Variants in ZCCHC2 observed in about 807,000 individuals in gnomAD.
ZCCHC2 encodes the protein zinc finger CCHC domain-containing protein 2.
In ZCCHC2, 39 loss-of-function variants were observed where a neutral mutation model predicts 103.6. That is an observed-to-expected ratio of 0.38 (90% CI 0.29 to 0.49). ZCCHC2 has a LOEUF of 0.49. Ranked by LOEUF, ZCCHC2 falls within the 20% of genes least tolerant of loss-of-function variation. The probability of loss-of-function intolerance (pLI) is 0.96; values close to 1 mark genes in which losing one functional copy is unlikely to be tolerated. For synonymous variants in ZCCHC2, 687 were observed against 608.9 expected (o/e 1.13, Z -1.89); for missense variants, 1,483 against 1,491.0 (o/e 0.99, Z 0.09).
intron 3 of ZCCHC2, among the ~76,000 whole-genome samples, chr18:62,543,820 C>G (rs1182514991): frequency 6.6e-6 from 1 of 152,214 alleles, no homozygotes; most frequent in Non-Finnish European, 1.5e-5. Context: ...CCTGTGAACT[C>G]AGTCAGCGGA....
At chr18:62,559,790 A>G (rs1288819862) in intron 7 of ZCCHC2, among the ~76,000 whole-genome samples, 4 of 152,256 alleles carry the variant, frequency 2.6e-5, no homozygotes, top group Admixed American at 6.5e-5. Flanking sequence ...AAGGATATTT[A>G]TAGTACAATT....
At chr18:62,546,877 A>G (rs1047458940) in intron 4 of ZCCHC2, among the ~76,000 whole-genome samples, 1 of 152,216 alleles carries the variant, frequency 6.6e-6, no homozygotes, top group Non-Finnish European at 1.5e-5. Flanking sequence ...CAGTATTTGG[A>G]TATAATGTTT....
At chr18:62,557,797 T>C (rs1915958945) in intron 6 of ZCCHC2, among the ~76,000 whole-genome samples, 1 of 152,238 alleles carries the variant, frequency 6.6e-6, no homozygotes, top group African/African-American at 2.4e-5. Flanking sequence ...GGAGTTCATA[T>C]ATAAGTAATA....
At chr18:62,535,565 C>T (rs531436384) in intron 1 of ZCCHC2, among the ~76,000 whole-genome samples, 1 of 152,176 alleles carries the variant, frequency 6.6e-6, no homozygotes, top group African/African-American at 2.4e-5. Context: ...AGATGGCATC[C>T]CTAGACCCCT....
Position 62,575,214 on chromosome 18 carries a change from G to C in ZCCHC2, c.3133G>C (p.Val1045Leu). 6.2e-7 allele frequency: 1 copy of C among 1,613,994 alleles called. No homozygotes were observed. Among genetic ancestry groups the C allele is most frequent in the South Asian group, 1.1e-5 (1 of 91,078 alleles). Residue 1045 changes from valine (V) to leucine (L), a missense_variant, in exon 13 of 14, where the codon GTC becomes CTC. Val to Leu is a conservative substitution (Grantham distance 32). Around this residue, in one of 3 missense-constraint regions of ZCCHC2, gnomAD observed 884 missense variants for 907.5 expected, o/e 0.97. Transcript: ENST00000269499. ...TCCAATGCCTGGACCAATGTACCGA[G>C]TCCCTTCATTCTTTACTCTGCCATC... ...PNPMPGPMYR[V>L]PSFFTLPSIC...
intron 2 of ZCCHC2, among the ~76,000 whole-genome samples, chr18:62,540,435 CTTTT>C (rs555817088): frequency 7.1e-6 from 1 of 141,432 alleles, no homozygotes. Context: ...ATTATGTCTC[CTTTT>C]TTTTTTTTTT....
At chr18:62,557,758 A>C (rs1181817688) in intron 6 of ZCCHC2, among the ~76,000 whole-genome samples, 3 of 152,262 alleles carry the variant, frequency 2.0e-5, no homozygotes, top group Non-Finnish European at 2.9e-5. Flanking sequence ...TCAGATGAAC[A>C]GGCTGCTCAG....
chr18:62,544,756 C>T lies in ZCCHC2; in HGVS notation c.1129-46C>T. On this transcript the variant is annotated intron_variant, in intron 3 of 13. Coordinates refer to ENST00000269499, the MANE Select transcript of ZCCHC2 (RefSeq NM_017742.6). ...CACATGGCTTTTTTCTAGCCGGTTC[C>T]TGCCTAGGGAATAACCATATAATAT... is the stretch of plus-strand genomic sequence containing the variant. 2.7e-6 allele frequency: 4 copies of T among 1,483,594 alleles called. No individual in the cohort carries two copies. In the South Asian group the frequency reaches 4.0e-5, roughly 15 times the overall value. The allele number at this position is 1,483,594 out of a possible 1,614,324, so 91.9% of individuals were successfully genotyped here. A position where few individuals can be genotyped will look rare whatever the true frequency, so the allele number is the denominator to read the frequency against.
At chr18:62,575,674 T>A in intron 13 of ZCCHC2, 124 bp downstream of exon 13, 8 of 1,193,526 alleles carry the variant, frequency 6.7e-6, no homozygotes, top group Non-Finnish European at 8.1e-6. Context: ...ATGGATATTG[T>A]TTTCAGTGAC....
exon 15 of ZCCHC2, chr18:62,584,984 T>C (rs8087221): frequency 0.92 from 140,512 of 152,356 alleles, 64,971 homozygotes; most frequent in East Asian, 1. Flanking sequence ...AACCCACAGG[T>C]GGAATGGCCG....
intron 4 of ZCCHC2, among the ~76,000 whole-genome samples, chr18:62,546,217 T>C (rs976623386): frequency 2.6e-5 from 4 of 152,186 alleles, no homozygotes; most frequent in Non-Finnish European, 5.9e-5. Context: ...TTCTGTCTGC[T>C]GTGCTCAGTC....
At chr18:62,539,495 AAT>A (rs1201688572) in intron 1 of ZCCHC2, 184 bp from the exon 2 acceptor site, 1 of 501,272 alleles carries the variant, frequency 2.0e-6, no homozygotes, top group Non-Finnish European at 3.6e-6. Flanking sequence ...GTCAATAATT[AAT>A]AGAGTGCTCA....
chr18:62,579,262 A>G (rs912989959), downstream of ZCCHC2, among the ~76,000 whole-genome samples: 4 of 152,294 alleles, frequency 2.6e-5, no homozygotes, highest in South Asian at 4.1e-4. Context: ...TACTTTATCA[A>G]CTTTGTTAGT....
At chr18:62,536,617 C>T (rs1319202726) in intron 1 of ZCCHC2, among the ~76,000 whole-genome samples, 1 of 152,190 alleles carries the variant, frequency 6.6e-6, no homozygotes, top group African/African-American at 2.4e-5. Context: ...CGAGCAGCCA[C>T]CCACCATTGG....
At chr18:62,565,182 G>T in intron 11 of ZCCHC2, 86 bp downstream of exon 11, 4 of 995,650 alleles carry the variant, frequency 4.0e-6, no homozygotes, top group East Asian at 2.5e-5. Flanking sequence ...CTGAGCTGTT[G>T]TGTCAAATCC....
At chr18:62,547,427 A>C (rs908958218) in intron 4 of ZCCHC2, among the ~76,000 whole-genome samples, 3 of 151,722 alleles carry the variant, frequency 2.0e-5, no homozygotes, top group Non-Finnish European at 2.9e-5. Context: ...CTGTACTTCT[A>C]GCTTGCTGTA....
At chr18:62,541,367 A>G (rs1428958266) in intron 2 of ZCCHC2, among the ~76,000 whole-genome samples, 2 of 152,198 alleles carry the variant, frequency 1.3e-5, no homozygotes, top group Non-Finnish European at 2.9e-5. Flanking sequence ...TCCCCTGTGT[A>G]TTTCTGTATC....
At chr18:62,542,216 T>C (rs1194818513) in intron 2 of ZCCHC2, among the ~76,000 whole-genome samples, 1 of 152,214 alleles carries the variant, frequency 6.6e-6, no homozygotes, top group Non-Finnish European at 1.5e-5. Flanking sequence ...TTTATTTTTA[T>C]CCTTAAAATC....
rs183850378 is a variant in ZCCHC2, at chr18:62,570,680, T to C, written c.1975+449T>C. ...GTCGATCCAGCATTCTAGGTACTGC[T>C]TGCACAGTATTTTGTTTTCTATCCT... On this transcript the variant is annotated intron_variant, in intron 12 of 13. Coordinates refer to ENST00000269499, the MANE Select transcript of ZCCHC2 (RefSeq NM_017742.6). 8.5e-5 allele frequency among the ~76,000 whole-genome samples: 13 copies of C among 152,364 alleles called. No individual in the cohort carries two copies. In the East Asian group the frequency reaches 1.5e-3, roughly 18 times the overall value.
Sources: gnomAD v4.1 joint callset for allele counts (sites outside exome capture counted in the v4.1 genomes callset) on GRCh38, gnomAD v4.1.1 for gene constraint, gnomAD v4.1.1 regional missense constraint, MANE v1.5 for transcripts, NCBI Gene and HGNC (gene_info 2026-07-23, HGNC 2026-07-21) for gene names.